The following ROS1 variants were observed in gnomAD, a reference collection of about 807,000 sequenced individuals.
ROS1 encodes ROS proto-oncogene 1, receptor tyrosine kinase.
ROS1 carries 263 observed loss-of-function variants against 273.5 expected under a neutral mutation model. That is an observed-to-expected ratio of 0.96 (90% CI 0.87 to 1.06). The LOEUF is 1.06. Ranked by LOEUF, ROS1 falls within the 50% of genes least tolerant of loss-of-function variation. ROS1 has a pLI of 0.00. For missense variants in ROS1, 2,833 were observed against 2,751.1 expected (o/e 1.03, Z -0.67); for synonymous variants, 1,008 against 954.1 (o/e 1.06, Z -1.04).
At chr6:117,401,004 C>T (rs1773889283) in intron 7 of ROS1, among the ~76,000 whole-genome samples, 1 of 152,208 alleles carries the variant, frequency 6.6e-6, no homozygotes, top group Non-Finnish European at 1.5e-5. Flanking sequence ...AGGAAAGCCA[C>T]TCCTCCTTTA....
At chr6:117,415,360 G>A (rs913501436) in intron 3 of ROS1, among the ~76,000 whole-genome samples, 2 of 152,052 alleles carry the variant, frequency 1.3e-5, no homozygotes, top group African/African-American at 2.4e-5. Flanking sequence ...TATAAAAAGA[G>A]GTTAATGCAT....
chr6:117,411,284 C>G (rs553050080), intron 4 of ROS1, among the ~76,000 whole-genome samples: 1 of 149,544 alleles, frequency 6.7e-6, no homozygotes, highest in South Asian at 2.2e-4. Context: ...TCCATCCCCC[C>G]ACTCCTTTCA....
At chr6:117,338,415 C>T (rs1418270047) in intron 31 of ROS1, among the ~76,000 whole-genome samples, 1 of 151,818 alleles carries the variant, frequency 6.6e-6, no homozygotes, top group Non-Finnish European at 1.5e-5. Flanking sequence ...GGGACATTGC[C>T]TGCACTAAAC....
intron 43 of ROS1, among the ~76,000 whole-genome samples, chr6:117,292,877 C>A (rs142978192): frequency 0.013 from 1,939 of 152,280 alleles, 20 homozygotes; most frequent in Non-Finnish European, 0.02. Context: ...CTCTCTACAC[C>A]TGTTACCATT....
intron 12 of ROS1, among the ~76,000 whole-genome samples, chr6:117,392,034 G>T (rs188829237): frequency 6.6e-5 from 10 of 152,190 alleles, no homozygotes; most frequent in Admixed American, 6.5e-4. Context: ...CTCAGTGATC[G>T]CATTTGAATG....
intron 11 of ROS1, among the ~76,000 whole-genome samples, chr6:117,393,827 C>T (rs1773270339): frequency 1.3e-5 from 2 of 152,136 alleles, no homozygotes; most frequent in Admixed American, 1.3e-4. Context: ...ATTTTAAATG[C>T]TTGCAGCTAA....
chr6:117,337,241 C>T lies in ROS1; in HGVS notation c.5161G>A (p.Val1721Ile). Residue 1721 changes from valine to isoleucine, a missense_variant, in exon 32 of 44, where the codon GTC becomes ATC. Physicochemically the swap from Val to Ile is conservative, Grantham distance 29. Transcript: ENST00000368507. The part of the protein sequence containing the change: ...TNLQPYTSYN[V>I]RVVVVYKTGE... The stretch of plus-strand genomic sequence containing the variant: ...GTCTTATAAACCACCACTACTCTGA[C>T]ATTATATGAAGTATAAGGTTGTAGA... The T allele has an allele frequency of 6.2e-7, 1 of 1,612,572 alleles. No homozygotes were observed. Among genetic ancestry groups the T allele is most frequent in the Non-Finnish European group, 8.5e-7 (1 of 1,179,124 alleles).
At chr6:117,355,920 A>G (rs1039424288) in intron 26 of ROS1, among the ~76,000 whole-genome samples, 1 of 152,132 alleles carries the variant, frequency 6.6e-6, no homozygotes, top group Non-Finnish European at 1.5e-5. Flanking sequence ...CTTAATTTCA[A>G]TTAATTTAAA....
At chr6:117,316,799 T>C (rs1775951829) in intron 39 of ROS1, among the ~76,000 whole-genome samples, 3 of 152,112 alleles carry the variant, frequency 2.0e-5, no homozygotes, top group Admixed American at 6.6e-5. Flanking sequence ...ACATCAAGAC[T>C]GGAAATATAA....
Position 117,394,696 on chromosome 6 carries a change from G to T in ROS1, c.926C>A (p.Ser309Tyr), listed in dbSNP as rs1183336300. ...ATGTTTTAAAGATCTCTTTCTTAGA[G>T]AAGTTTTTCTGGATAAAAAGAGCCA... ...EQWLFLSRKTSLRKRSLKHLV... is the reference protein window; with the variant it reads ...EQWLFLSRKTYLRKRSLKHLV... Residue 309 changes from serine to tyrosine, a missense_variant, in exon 10 of 44, where the codon TCT becomes TAT. Ser to Tyr is a moderately radical substitution (Grantham distance 144). Transcript: ENST00000368507. 2 of 1,611,492 alleles carry T rather than the reference G, an allele frequency of 1.2e-6. No homozygotes were observed. Among genetic ancestry groups the T allele is most frequent in the Non-Finnish European group, 1.7e-6 (2 of 1,178,824 alleles).
At position 117,310,064 on chromosome 6, in the gene ROS1, T is replaced by A; in HGVS notation, c.6416+17A>T. ...TGATGATTCTGTCAGCATTACTCTGTGTCCCGTTAAACTTACCATACATCA... is the reference window on the plus strand; with the variant it reads ...TGATGATTCTGTCAGCATTACTCTGAGTCCCGTTAAACTTACCATACATCA... On this transcript the variant is annotated intron_variant, in intron 41 of 43. Coordinates refer to ENST00000368507, the MANE Select transcript of ROS1 (RefSeq NM_001378902.1). The A allele has an allele frequency of 6.2e-7, 1 of 1,600,186 alleles. No individual in the cohort carries two copies. The highest frequency in any genetic ancestry group is 1.1e-5 in the South Asian group (1 of 90,738).
At chr6:117,351,266 G>A (rs1290024402) in intron 27 of ROS1, among the ~76,000 whole-genome samples, 1 of 152,176 alleles carries the variant, frequency 6.6e-6, no homozygotes, top group Non-Finnish European at 1.5e-5. Flanking sequence ...CACGACGGCT[G>A]GAGTGGGCTG....
chr6:117,326,123 A>T (rs1468620894), intron 34 of ROS1, 101 bp downstream of exon 34: 1 of 317,298 alleles, frequency 3.2e-6, no homozygotes, highest in Non-Finnish European at 5.4e-6. Context: ...ATATATATAT[A>T]TATAGTCACC....
intron 32 of ROS1, among the ~76,000 whole-genome samples, chr6:117,331,618 C>T (rs982925085): frequency 2.0e-5 from 3 of 152,100 alleles, no homozygotes; most frequent in East Asian, 1.9e-4. Flanking sequence ...TACAAAGGGA[C>T]GCCCATCAGA....
In ROS1 at chr6:117,383,303, T is replaced by C. The variant is rs754021822; in HGVS notation, c.2481+14A>G. 6 of 1,597,892 alleles carry C rather than the reference T, an allele frequency of 3.8e-6. No homozygotes were observed. In the Admixed American group the frequency reaches 1.0e-4, roughly 27 times the overall value. On this transcript the variant is annotated intron_variant, in intron 17 of 43. Transcript: ENST00000368507. Reference sequence around the variant, plus strand: ...TTCAGTATTACTAAATGATCAGATCTTTTAATTTGTCACCTTTTTCCCAGA... The same window carrying C: ...TTCAGTATTACTAAATGATCAGATCCTTTAATTTGTCACCTTTTTCCCAGA...
intron 27 of ROS1, among the ~76,000 whole-genome samples, chr6:117,350,756 C>T (rs1778776268): frequency 6.8e-6 from 1 of 147,288 alleles, no homozygotes; most frequent in African/African-American, 2.5e-5. Context: ...CTCAGAGATT[C>T]CTTCCTCAGC....
At chr6:117,294,537 G>A (rs1774073558) in intron 43 of ROS1, among the ~76,000 whole-genome samples, 1 of 152,044 alleles carries the variant, frequency 6.6e-6, no homozygotes, top group African/African-American at 2.4e-5. Flanking sequence ...GAGAACTTTT[G>A]CATCTGTGTT....
rs1773534578 is a variant in ROS1, at chr6:117,287,664, T to C, written c.*828A>G. 6.6e-6 allele frequency among the ~76,000 whole-genome samples: 1 copy of C among 152,206 alleles called. No homozygotes were observed. The highest frequency in any genetic ancestry group is 1.9e-4 in the East Asian group (1 of 5,196). On this transcript the variant is annotated 3_prime_UTR_variant, in exon 44 of 44. Transcript: ENST00000368507. ...TCGGCTAGGCATGGTGGCTCACACCTGTAATCCAGCACTTTGGGAGGCCAA... is the reference window on the plus strand; with the variant it reads ...TCGGCTAGGCATGGTGGCTCACACCCGTAATCCAGCACTTTGGGAGGCCAA...
At chr6:117,358,401 G>A (rs138966698) in intron 24 of ROS1, among the ~76,000 whole-genome samples, 210 of 152,046 alleles carry the variant, frequency 1.4e-3, no homozygotes, top group African/African-American at 4.9e-3. Context: ...CACCACCCAA[G>A]GAGCTAATCC....
Sources: gnomAD v4.1 joint callset for allele counts (sites outside exome capture counted in the v4.1 genomes callset) on GRCh38, gnomAD v4.1.1 for gene constraint, MANE v1.5 for transcripts, NCBI Gene and HGNC (gene_info 2026-07-23, HGNC 2026-07-21) for gene names.